The following HM13 variants were observed in gnomAD, a reference collection of about 807,000 sequenced individuals.
The protein encoded by HM13 is histocompatibility minor 13.
Under a neutral mutation model 50.0 loss-of-function variants are expected in HM13, and 18 were observed. The ratio of observed to expected loss-of-function variants is 0.36; its 90% CI spans 0.25 to 0.53. HM13 has a LOEUF of 0.53. Ranked by LOEUF, HM13 falls within the 20% of genes least tolerant of loss-of-function variation. HM13 has a pLI of 0.90. For missense variants in HM13, 393 were observed against 552.4 expected, an observed-to-expected ratio of 0.71 and a Z score of 2.89; for synonymous variants, 197 against 232.6, an observed-to-expected ratio of 0.85 and a Z score of 1.39.
chr20:31,550,172 C>A, intron 7 of HM13, 51 bp downstream of exon 7: 1 of 1,355,312 alleles, frequency 7.4e-7, no homozygotes, highest in Non-Finnish European at 1.1e-6. Flanking sequence ...CCTGCCGGGC[C>A]ATGCCCCCAC....
intron 8 of HM13, among the ~76,000 whole-genome samples, chr20:31,558,048 TCAGAGCC>T (rs951403928): frequency 3.3e-5 from 5 of 152,310 alleles, no homozygotes; most frequent in African/African-American, 4.8e-5. Flanking sequence ...TAAATGAGAC[TCAGAGCC>T]CAGAGCCCAG....
Position 31,561,663 on chromosome 20 carries a change from A to G in HM13, c.875A>G (p.Tyr292Cys), listed in dbSNP as rs752154107. The G allele has an allele frequency of 2.5e-6, 4 of 1,613,628 alleles. No individual in the cohort carries two copies. Reference protein sequence around the residue: ...SLKKNTHTYFYTSFAAYIFGL... With the variant: ...SLKKNTHTYFCTSFAAYIFGL... ...AAGAAGAATACCCACACCTACTTCT[A>G]CACCAGCTTTGCAGCCTACATCTTC... Residue 292 changes from tyrosine to cysteine, a missense_variant, in exon 10 of 13, where the codon TAC becomes TGC. By Grantham distance (194) the Tyr-to-Cys change is radical (BLOSUM62 -2). Transcript: ENST00000398174.
At position 31,530,346 on chromosome 20, in the gene HM13, C is replaced by A. The variant is rs371884503; in HGVS notation, c.282+2764C>A. Among the ~76,000 whole-genome samples the A allele has an allele frequency of 1.4e-4, 22 of 151,802 alleles. No homozygotes were observed. The East Asian group carries it at 2.1e-3, about 15-fold the overall frequency. ...AAATTATATATATTTTTATATGTATCAAATACATGATTCTTACCACGGAGG... is the reference window on the plus strand; with the variant it reads ...AAATTATATATATTTTTATATGTATAAAATACATGATTCTTACCACGGAGG... On this transcript the variant is annotated intron_variant, in intron 2 of 12. Transcript: ENST00000398174.
chr20:31,548,388 A>G (rs1983840822), intron 4 of HM13: 1 of 205,896 alleles, frequency 4.9e-6, no homozygotes, highest in African/African-American at 2.3e-5. Flanking sequence ...AGGGCCCCCC[A>G]CAAAAGCAGC....
At chr20:31,548,884 C>T (rs1983863428) in intron 4 of HM13, 145 bp from the exon 5 acceptor site, 2 of 735,586 alleles carry the variant, frequency 2.7e-6, no homozygotes, top group Admixed American at 4.0e-5. Context: ...GAAACTCATA[C>T]TAATCTGGGG....
rs150364424 is a variant in HM13 at position 31,569,283 on chromosome 20, G to A, written c.*64G>A. 1,354 of 1,184,784 alleles carry A rather than the reference G, an allele frequency of 1.1e-3. 1 individual carries two copies. Among genetic ancestry groups the A allele is most frequent in the Admixed American group, 3.1e-3 (152 of 49,528 alleles). The allele number at this position is 1,184,784 out of a possible 1,614,324, so 73.4% of individuals were successfully genotyped here. On this transcript the variant is annotated 3_prime_UTR_variant, in exon 13 of 13. Transcript: ENST00000398174. ...AGATGGGGGCTGGGCCCACACAGGC[G>A]TGCACCGGTAGAGGGCACAGGAGGC...
At chr20:31,542,272 T>G (rs1358557816) in intron 3 of HM13, among the ~76,000 whole-genome samples, 1 of 152,222 alleles carries the variant, frequency 6.6e-6, no homozygotes, top group East Asian at 1.9e-4. Context: ...ACATCCTTCC[T>G]GCAAAGGGAA....
chr20:31,520,625 A>AT (rs1982099477), intron 1 of HM13, among the ~76,000 whole-genome samples: 2 of 152,116 alleles, frequency 1.3e-5, no homozygotes, highest in African/African-American at 4.8e-5. Context: ...TTTTAAGCAG[A>AT]TACGTGATAC....
chr20:31,536,357 C>G (rs555417901), intron 2 of HM13, among the ~76,000 whole-genome samples: 1 of 152,244 alleles, frequency 6.6e-6, no homozygotes, highest in South Asian at 2.1e-4. Context: ...GAGCGAAACT[C>G]CATCTCGGGG....
chr20:31,569,358 G>T lies in HM13; in HGVS notation c.*139G>T. Reference sequence around the variant, plus strand: ...GGGGGCAGCAGGATACCTCCAGCCAGGCCTCTGTGGCCTCTGTTTCCTTCT... The same window carrying T: ...GGGGGCAGCAGGATACCTCCAGCCATGCCTCTGTGGCCTCTGTTTCCTTCT... On this transcript the variant is annotated 3_prime_UTR_variant, in exon 13 of 13. Transcript: ENST00000398174. The T allele has an allele frequency of 1.9e-6, 1 of 535,504 alleles. No individual in the cohort carries two copies. Among genetic ancestry groups the T allele is most frequent in the South Asian group, 2.9e-5 (1 of 34,146 alleles). The allele number at this position is 535,504 out of a possible 1,614,324, so 33.2% of individuals were successfully genotyped here.
At chr20:31,521,404 C>T (rs57623813) in intron 1 of HM13, among the ~76,000 whole-genome samples, 180 of 152,256 alleles carry the variant, frequency 1.2e-3, no homozygotes, top group African/African-American at 4.2e-3. Context: ...TCTAGACCTC[C>T]GCTTCCTCAT....
At chr20:31,525,985 G>T (rs1456353921) in intron 1 of HM13, among the ~76,000 whole-genome samples, 1 of 151,924 alleles carries the variant, frequency 6.6e-6, no homozygotes, top group Non-Finnish European at 1.5e-5. Flanking sequence ...AATTAGCCAG[G>T]TATGGTGGCA....
intron 7 of HM13, 30 bp from the exon 8 acceptor site, chr20:31,554,716 G>A (rs369872339): frequency 1.1e-5 from 17 of 1,580,300 alleles, no homozygotes; most frequent in Non-Finnish European, 1.5e-5. Flanking sequence ...GGCTCCAGCT[G>A]ACTCCTCACA....
intron 7 of HM13, among the ~76,000 whole-genome samples, chr20:31,554,119 C>G (rs1311507855): frequency 6.6e-6 from 1 of 152,148 alleles, no homozygotes; most frequent in African/African-American, 2.4e-5. Context: ...GGAGACATTG[C>G]CCTGCATCCT....
At chr20:31,547,072 G>A (rs1052372893) in intron 4 of HM13, among the ~76,000 whole-genome samples, 11 of 152,194 alleles carry the variant, frequency 7.2e-5, no homozygotes, top group Non-Finnish European at 1.6e-4. Context: ...CAGAAGGAAG[G>A]AGAGGCATCC....
chr20:31,527,486 T>G lies in HM13; in HGVS notation c.186T>G (p.Asn62Lys). 6.2e-7 allele frequency: 1 copy of G among 1,612,430 alleles called. No individual in the cohort carries two copies. The highest frequency in any genetic ancestry group is 8.5e-7 in the Non-Finnish European group (1 of 1,178,548). Residue 62 changes from asparagine (N) to lysine (K), a missense_variant and splice_region_variant, in exon 2 of 13, where the codon AAT becomes AAG. This residue lies in a region of HM13 where 214 missense variants were observed against 276.1 expected (regional missense o/e 0.77). Transcript: ENST00000398174. ...ATTGTCATTCTTCTCTCCTCTAGAA[T>G]GCTTCAGACATGCCTGAAACAATCA... ...LRSVRCARGK[N>K]ASDMPETITS...
intron 12 of HM13, among the ~76,000 whole-genome samples, chr20:31,568,877 C>A (rs994524374): frequency 1.3e-5 from 2 of 152,226 alleles, no homozygotes; most frequent in Admixed American, 1.3e-4. Context: ...CTTCCATTGG[C>A]TGCTGCCCTT....
intron 12 of HM13, 69 bp downstream of exon 12, chr20:31,568,293 C>T (rs780671629): frequency 4.4e-5 from 69 of 1,574,104 alleles, no homozygotes; most frequent in Non-Finnish European, 5.9e-5. Context: ...AGGGCAGACA[C>T]TGCAGCTCCA....
At chr20:31,526,160 CTTT>C (rs543750641) in intron 1 of HM13, among the ~76,000 whole-genome samples, 8 of 142,806 alleles carry the variant, frequency 5.6e-5, no homozygotes, top group Admixed American at 7.1e-5. Context: ...GTCATAAATC[CTTT>C]TTTTTTTTTT....
Sources: allele counts gnomAD v4.1 joint callset (sites outside exome capture counted in the v4.1 genomes callset), GRCh38; gene constraint gnomAD v4.1.1; regional missense constraint gnomAD v4.1.1; transcripts MANE v1.5; gene names NCBI Gene and HGNC (gene_info 2026-07-23, HGNC 2026-07-21).